The following RNF6 variants were observed in gnomAD, a reference collection of about 807,000 sequenced individuals.
RNF6 encodes ring finger protein 6.
Under a neutral mutation model 50.1 loss-of-function variants are expected in RNF6, and 21 were observed. That is an observed-to-expected ratio of 0.42 (90% confidence interval 0.30 to 0.60). The LOEUF is 0.60. RNF6 is among the 20% of genes least tolerant of loss of function. RNF6 has a pLI of 0.20. For synonymous variants in RNF6, 255 were observed against 291.8 expected (o/e 0.87, Z 1.29); for missense variants, 698 against 838.2 (o/e 0.83, Z 2.07).
At chr13:26,159,416 A>G (rs1872095458) in intron 5 of RNF6, among the ~76,000 whole-genome samples, 1 of 152,132 alleles carries the variant, frequency 6.6e-6, no homozygotes, top group African/African-American at 2.4e-5. Context: ...CAAGGTCAGC[A>G]GATCGAGACC....
intron 5 of RNF6, chr13:26,154,324 C>CT (rs1291532335): frequency 6.6e-6 from 1 of 152,108 alleles, no homozygotes; most frequent in Non-Finnish European, 1.5e-5. Context: ...GCTATTTTGT[C>CT]TTTTTTTGAA....
In RNF6 at chr13:26,213,713, T is replaced by C. The variant is rs1220448982; in HGVS notation, c.*111A>G. ...AGCACACGAAAAATAGTTCAAACTA[T>C]ATATAATCTGTTATTTTTCATCCTG... On this transcript the variant is annotated 3_prime_UTR_variant, in exon 5 of 5. Coordinates refer to ENST00000381588, the MANE Select transcript of RNF6 (RefSeq NM_005977.4). The C allele has an allele frequency of 3.6e-6, 3 of 827,946 alleles. No homozygotes were observed. Among genetic ancestry groups the C allele is most frequent in the Admixed American group, 3.1e-5 (1 of 32,400 alleles). 51.3% of individuals were successfully genotyped at this position (827,946 alleles called of 1,614,324 possible).
intron 5 of RNF6, among the ~76,000 whole-genome samples, chr13:26,138,581 G>A (rs1870769322): frequency 6.6e-6 from 1 of 152,104 alleles, no homozygotes; most frequent in African/African-American, 2.4e-5. Context: ...GATGTAATTT[G>A]TGATAATAAT....
intron 5 of RNF6, among the ~76,000 whole-genome samples, chr13:26,194,764 G>A (rs560188161): frequency 6.6e-6 from 1 of 152,314 alleles, no homozygotes; most frequent in African/African-American, 2.4e-5. Context: ...AGAACTTGGA[G>A]TCTGATGTTC....
chr13:26,217,070 A>G (rs1042518842), intron 4 of RNF6, among the ~76,000 whole-genome samples: 1 of 152,234 alleles, frequency 6.6e-6, no homozygotes, highest in South Asian at 2.1e-4. Flanking sequence ...GAAGCTATTA[A>G]TCAGCTGTTG....
chr13:26,166,400 G>C (rs1304386852), intron 5 of RNF6, among the ~76,000 whole-genome samples: 4 of 152,204 alleles, frequency 2.6e-5, no homozygotes, highest in Non-Finnish European at 5.9e-5. Flanking sequence ...AAGAGGAAGA[G>C]AGGAAGTCAA....
At chr13:26,133,890 GAT>G (rs1593137061) in intron 5 of RNF6, among the ~76,000 whole-genome samples, 1 of 152,088 alleles carries the variant, frequency 6.6e-6, no homozygotes, top group Non-Finnish European at 1.5e-5. Context: ...CCTGGTTTTT[GAT>G]ATATATGACG....
chr13:26,179,682 A>C (rs995821582), intron 5 of RNF6, among the ~76,000 whole-genome samples: 3 of 152,066 alleles, frequency 2.0e-5, no homozygotes, highest in Admixed American at 1.3e-4. Context: ...CATTCCCCCA[A>C]ACCAGGTACC....
chr13:26,207,502 C>T (rs1869159312), intron 5 of RNF6, among the ~76,000 whole-genome samples: 1 of 152,106 alleles, frequency 6.6e-6, no homozygotes, highest in South Asian at 2.1e-4. Context: ...AACCCTAAGA[C>T]AATAAAAATG....
chr13:26,173,909 C>T (rs1872822073), intron 5 of RNF6, among the ~76,000 whole-genome samples: 2 of 145,226 alleles, frequency 1.4e-5, no homozygotes, highest in African/African-American at 2.6e-5. Flanking sequence ...CAGGATGGCG[C>T]CACTGTACTC....
At chr13:26,221,221 T>TA (rs1222177909) in intron 2 of RNF6, 27 bp downstream of exon 2, 2 of 152,238 alleles carry the variant, frequency 1.3e-5, no homozygotes, top group Non-Finnish European at 2.9e-5. Context: ...CTTATACAGT[T>TA]AATCACAATG....
chr13:26,151,266 C>CTT (rs879629924), intron 5 of RNF6, among the ~76,000 whole-genome samples: 1 of 147,058 alleles, frequency 6.8e-6, no homozygotes, highest in African/African-American at 2.5e-5. Flanking sequence ...GGTCTGATAT[C>CTT]TTTTTTTTTT....
intron 5 of RNF6, among the ~76,000 whole-genome samples, chr13:26,147,822 G>T (rs1566407787): frequency 1.3e-5 from 2 of 152,156 alleles, no homozygotes; most frequent in Non-Finnish European, 2.9e-5. Flanking sequence ...AAGCTTTCAG[G>T]TCATTTATGT....
At chr13:26,149,581 C>A (rs1209077457) in intron 5 of RNF6, among the ~76,000 whole-genome samples, 1 of 150,128 alleles carries the variant, frequency 6.7e-6, no homozygotes, top group African/African-American at 2.5e-5. Context: ...GGTGAGACTC[C>A]GTCTAAAAAA....
chr13:26,195,850 CT>C (rs1478237943), intron 5 of RNF6, among the ~76,000 whole-genome samples: 2 of 152,104 alleles, frequency 1.3e-5, no homozygotes, highest in Non-Finnish European at 2.9e-5. Context: ...ATTTTGGTAA[CT>C]TCTCTCAAGA....
chr13:26,198,459 T>C (rs1295921977), intron 5 of RNF6, among the ~76,000 whole-genome samples: 1 of 151,890 alleles, frequency 6.6e-6, no homozygotes, highest in Non-Finnish European at 1.5e-5. Context: ...CAGAATAATA[T>C]CTGACCAAAT....
chr13:26,144,539 A>G (rs1303923723), intron 5 of RNF6, among the ~76,000 whole-genome samples: 1 of 152,090 alleles, frequency 6.6e-6, no homozygotes, highest in Non-Finnish European at 1.5e-5. Context: ...ACATGTGACC[A>G]TTTCTCCTTC....
downstream of RNF6, among the ~76,000 whole-genome samples, chr13:26,211,195 T>C (rs1275065651): frequency 6.6e-6 from 1 of 152,202 alleles, no homozygotes; most frequent in African/African-American, 2.4e-5. Flanking sequence ...CCCAACTGGG[T>C]TATCAATTTA....
chr13:26,139,646 A>G (rs1366686373), intron 5 of RNF6, among the ~76,000 whole-genome samples: 1 of 152,202 alleles, frequency 6.6e-6, no homozygotes, highest in East Asian at 1.9e-4. Flanking sequence ...GGAAATTGAC[A>G]TCTTTATAAT....
Sources: gnomAD v4.1 joint callset for allele counts (sites outside exome capture counted in the v4.1 genomes callset) on GRCh38, gnomAD v4.1.1 for gene constraint, MANE v1.5 for transcripts, NCBI Gene and HGNC (gene_info 2026-07-23, HGNC 2026-07-21) for gene names.